CFAP299: variants seen among roughly 807,000 people sequenced by gnomAD.
The protein encoded by CFAP299 is cilia and flagella associated protein 299.
CFAP299 carries 21 observed loss-of-function variants against 27.0 expected under a neutral mutation model. The observed-to-expected ratio is 0.78, with a 90% CI of 0.55 to 1.12. The LOEUF (loss-of-function observed/expected upper bound fraction) is 1.12. Among genes scored for constraint, CFAP299 ranks in the 50% most tolerant of loss-of-function variants. The pLI is 0.00. For synonymous variants in CFAP299, 104 were observed against 98.1 expected (o/e 1.06, Z -0.36); for missense variants, 310 against 276.6 (o/e 1.12, Z -0.86).
chr4:80,778,867 T>C (rs1460363759), intron 3 of CFAP299, among the ~76,000 whole-genome samples: 2 of 152,100 alleles, frequency 1.3e-5, no homozygotes, highest in African/African-American at 4.8e-5. Context: ...CCAGTTTTAC[T>C]TGTACTCATT....
At chr4:80,562,917 AT>A (rs1460306935) in intron 2 of CFAP299, among the ~76,000 whole-genome samples, 4 of 152,014 alleles carry the variant, frequency 2.6e-5, no homozygotes, top group African/African-American at 9.7e-5. Flanking sequence ...AGACAAAAAA[AT>A]GTTTCAGACA....
intron 3 of CFAP299, among the ~76,000 whole-genome samples, chr4:80,775,473 C>T (rs1361886196): frequency 6.6e-6 from 1 of 151,836 alleles, no homozygotes; most frequent in South Asian, 2.1e-4. Context: ...CTGTAATACA[C>T]CATATTTATT....
At chr4:80,342,998 A>G (rs923703506) in intron 1 of CFAP299, among the ~76,000 whole-genome samples, 9 of 152,216 alleles carry the variant, frequency 5.9e-5, no homozygotes, top group African/African-American at 2.2e-4. Context: ...AAGAAAATGG[A>G]AAACAGAAAA....
At chr4:80,401,769 G>A (rs1031482322) in intron 2 of CFAP299, among the ~76,000 whole-genome samples, 95 of 152,144 alleles carry the variant, frequency 6.2e-4, no homozygotes, top group African/African-American at 2.2e-3. Context: ...TCCCAGAATC[G>A]TAGATCCACA....
intron 2 of CFAP299, among the ~76,000 whole-genome samples, chr4:80,389,056 G>A (rs986743173): frequency 6.6e-6 from 1 of 152,072 alleles, no homozygotes; most frequent in African/African-American, 2.4e-5. Context: ...TAAGTCAGAT[G>A]ATCATACTAT....
At chr4:80,582,690 A>G (rs561696614) in intron 2 of CFAP299, among the ~76,000 whole-genome samples, 1 of 151,978 alleles carries the variant, frequency 6.6e-6, no homozygotes, top group African/African-American at 2.4e-5. Flanking sequence ...GCTCTACTCC[A>G]GTAACTGCAT....
chr4:80,452,374 A>T (rs1728944725), intron 2 of CFAP299, among the ~76,000 whole-genome samples: 1 of 149,042 alleles, frequency 6.7e-6, no homozygotes, highest in African/African-American at 2.6e-5. Flanking sequence ...TGAGAATTCA[A>T]ATTAGTTTTT....
chr4:80,822,652 G>C (rs1729766848), intron 3 of CFAP299, among the ~76,000 whole-genome samples: 1 of 152,110 alleles, frequency 6.6e-6, no homozygotes, highest in Admixed American at 6.5e-5. Flanking sequence ...ATCTATGAGA[G>C]CATAAGCACA....
intron 2 of CFAP299, among the ~76,000 whole-genome samples, chr4:80,369,286 C>T (rs555965257): frequency 6.6e-6 from 1 of 152,328 alleles, no homozygotes; most frequent in East Asian, 1.9e-4. Flanking sequence ...GGAGCAGCTC[C>T]TCCAGAGCAT....
chr4:80,378,686 C>T (rs1006921790), intron 2 of CFAP299, among the ~76,000 whole-genome samples: 2 of 151,832 alleles, frequency 1.3e-5, no homozygotes, highest in African/African-American at 4.8e-5. Context: ...TTTTCAGGTT[C>T]TTTACTTTTA....
Position 80,414,064 on chromosome 4 carries a change from CTTTTTTTTTTTTTT to C in CFAP299, c.242+51191_242+51204del, listed in dbSNP as rs1170153950. Among the ~76,000 whole-genome samples, 68 of 62,450 alleles carry C rather than the reference CTTTTTTTTTTTTTT, an allele frequency of 1.1e-3. 1 individual carries two copies. The highest frequency in any genetic ancestry group is 3.4e-3 in the African/African-American group (66 of 19,520). 41.0% of individuals were successfully genotyped at this position (62,450 alleles called of 152,430 possible). A position where few individuals can be genotyped will look rare whatever the true frequency, so the allele number is the denominator to read the frequency against. The stretch of plus-strand genomic sequence containing the variant: ...GCATGCAAGAAACAAATGGGTATTT[CTTTTTTTTTTTTTT>C]TTTTTTTTTTGAGACGGAGTCTCGC... On this transcript the variant is annotated intron_variant, in intron 2 of 5. Coordinates refer to ENST00000358105, the MANE Select transcript of CFAP299 (RefSeq NM_152770.3).
chr4:80,371,274 G>A (rs1398349071), intron 2 of CFAP299, among the ~76,000 whole-genome samples: 1 of 152,172 alleles, frequency 6.6e-6, no homozygotes, highest in Non-Finnish European at 1.5e-5. Context: ...AAATTGTTCA[G>A]TCCTCCTAGG....
rs1367189698 is a variant in CFAP299, at chr4:80,799,656, TATTATATTTTATA to T, written c.334-70335_334-70323del. Among the ~76,000 whole-genome samples, 6 of 17,970 alleles carry T rather than the reference TATTATATTTTATA, an allele frequency of 3.3e-4. 2 individuals carry two copies. The highest frequency in any genetic ancestry group is 1.1e-3 in the Admixed American group (1 of 902). The allele number at this position is 17,970 out of a possible 152,430, so 11.8% of individuals were successfully genotyped here. A position where few individuals can be genotyped will look rare whatever the true frequency, so the allele number is the denominator to read the frequency against. ...TAATATATAAAATATATATTTTATA[TATTATATTTTATA>T]AATATATATTTATAAATATATAATA... On this transcript the variant is annotated intron_variant, in intron 3 of 5. Transcript: ENST00000358105.
At chr4:80,443,065 G>T (rs1480528440) in intron 2 of CFAP299, among the ~76,000 whole-genome samples, 2 of 152,146 alleles carry the variant, frequency 1.3e-5, no homozygotes, top group Non-Finnish European at 2.9e-5. Flanking sequence ...AACAAAAAGA[G>T]CCCAGGATCA....
chr4:80,467,556 G>GCTT (rs1729767015), intron 2 of CFAP299, among the ~76,000 whole-genome samples: 1 of 152,130 alleles, frequency 6.6e-6, no homozygotes, highest in Non-Finnish European at 1.5e-5. Flanking sequence ...AACCTGGCAG[G>GCTT]CTTCTAAGGT....
chr4:80,437,821 G>A (rs941978305), intron 2 of CFAP299, among the ~76,000 whole-genome samples: 5 of 152,086 alleles, frequency 3.3e-5, no homozygotes, highest in Non-Finnish European at 5.9e-5. Flanking sequence ...ATTTTAATGG[G>A]CACTTTTGTC....
At chr4:80,894,882 T>C (rs1444323889) in intron 4 of CFAP299, among the ~76,000 whole-genome samples, 1 of 151,816 alleles carries the variant, frequency 6.6e-6, no homozygotes, top group African/African-American at 2.4e-5. Flanking sequence ...GTGGAGGACA[T>C]AATGCTAAGT....
chr4:80,468,108 C>T (rs1280697746), intron 2 of CFAP299, among the ~76,000 whole-genome samples: 1 of 152,116 alleles, frequency 6.6e-6, no homozygotes, highest in Non-Finnish European at 1.5e-5. Flanking sequence ...GTGTTGATAC[C>T]TACATAGGTA....
intron 2 of CFAP299, chr4:80,388,247 C>A: frequency 1.4e-6 from 1 of 691,790 alleles, no homozygotes. Context: ...AGGTCGCGGG[C>A]CCTAGGGCAT....
Sources: gnomAD v4.1 joint callset for allele counts (sites outside exome capture counted in the v4.1 genomes callset) on GRCh38, gnomAD v4.1.1 for gene constraint, MANE v1.5 for transcripts, NCBI Gene and HGNC (gene_info 2026-07-23, HGNC 2026-07-21) for gene names.